The following ZNF771 variants were observed in gnomAD, a reference collection of about 807,000 sequenced individuals.
ZNF771 encodes mesenchymal stem cell protein DSC43.
A neutral mutation model predicts 27.6 loss-of-function variants in ZNF771; 10 were observed. The ratio of observed to expected loss-of-function variants is 0.36; its 90% CI spans 0.22 to 0.61. The LOEUF (loss-of-function observed/expected upper bound fraction) is 0.61. Ranked by LOEUF, ZNF771 falls within the 20% of genes least tolerant of loss-of-function variation. The probability of loss-of-function intolerance (pLI) is 0.70; values close to 1 mark genes in which losing one functional copy is unlikely to be tolerated. For synonymous variants in ZNF771, 261 were observed against 225.2 expected, an observed-to-expected ratio of 1.16 and a Z score of -1.43; for missense variants, 438 against 503.7, an observed-to-expected ratio of 0.87 and a Z score of 1.25.
chr16:30,410,299 C>T (rs1597030009), intron 2 of ZNF771, among the ~76,000 whole-genome samples: 1 of 152,090 alleles, frequency 6.6e-6, no homozygotes, highest in Non-Finnish European at 1.5e-5. Flanking sequence ...GGTGGGGTTT[C>T]ACCATATTGG....
At position 30,417,923 on chromosome 16, in the gene ZNF771, G is replaced by T. The variant is rs761796954; in HGVS notation, c.510G>T (p.Thr170=). 2.6e-6 allele frequency: 4 copies of T among 1,518,966 alleles called. No homozygotes were observed. Among genetic ancestry groups the T allele is most frequent in the Non-Finnish European group, 3.5e-6 (4 of 1,143,122 alleles). 94.1% of individuals were successfully genotyped at this position (1,518,966 alleles called of 1,614,324 possible). ...SNYAQHLRVH[T]GEKPYACPDC... Reference sequence around the variant, plus strand: ...ACGCACAGCACCTGCGCGTGCACACGGGCGAGAAGCCGTACGCGTGCCCGG... The same window carrying T: ...ACGCACAGCACCTGCGCGTGCACACTGGCGAGAAGCCGTACGCGTGCCCGG... The change falls in exon 3 of 3, where the codon ACG becomes ACT. Residue 170 remains threonine, a synonymous_variant. Transcript: ENST00000319296.
At chr16:30,417,409 C>T in intron 2 of ZNF771, 146 bp from the exon 3 acceptor site, 1 of 426,024 alleles carries the variant, frequency 2.3e-6, no homozygotes, top group African/African-American at 2.1e-5. Context: ...ACTGGATGCG[C>T]ACAGCCATCC....
intron 2 of ZNF771, among the ~76,000 whole-genome samples, chr16:30,411,120 A>T (rs966443237): frequency 6.6e-6 from 1 of 151,938 alleles, no homozygotes; most frequent in Non-Finnish European, 1.5e-5. Context: ...GGAGTTCGAG[A>T]CCAGCCTTGC....
intron 2 of ZNF771, among the ~76,000 whole-genome samples, chr16:30,409,995 T>A (rs1033618997): frequency 6.6e-6 from 1 of 152,150 alleles, no homozygotes. Context: ...ATGCACAGAG[T>A]TAGAACTGTG....
rs2050141974 is a variant in ZNF771 at position 30,417,738 on chromosome 16, C to A, written c.325C>A (p.His109Asn). ...CTCACAGAAGTCGGCGCTGACCAAACACGGCCGCACGCACACGGGCGAGCG... is the reference window on the plus strand; with the variant it reads ...CTCACAGAAGTCGGCGCTGACCAAAAACGGCCGCACGCACACGGGCGAGCG... The part of the protein sequence containing the change: ...RFSQKSALTK[H>N]GRTHTGERPY... Residue 109 changes from histidine to asparagine, a missense_variant, in exon 3 of 3, where the codon CAC (histidine) becomes AAC (asparagine). By Grantham distance (68) the His-to-Asn change is moderately conservative. This residue lies in a region of ZNF771 where 49 missense variants were observed against 106.5 expected (regional missense o/e 0.46). Transcript: ENST00000319296. 1 of 1,411,324 alleles carries A rather than the reference C, an allele frequency of 7.1e-7. No homozygotes were observed. The highest frequency in any genetic ancestry group is 9.2e-7 in the Non-Finnish European group (1 of 1,088,084). 87.4% of individuals were successfully genotyped at this position (1,411,324 alleles called of 1,614,324 possible). A position where few individuals can be genotyped will look rare whatever the true frequency, so the allele number is the denominator to read the frequency against.
intron 1 of ZNF771, 44 bp from the exon 2 acceptor site, chr16:30,408,001 G>C (rs2050085631): frequency 1.3e-6 from 1 of 796,696 alleles, no homozygotes. Flanking sequence ...GGGGGGGGTG[G>C]GGGGGGGCGG....
intron 2 of ZNF771, among the ~76,000 whole-genome samples, chr16:30,408,576 A>G (rs1442366177): frequency 6.6e-6 from 1 of 152,222 alleles, no homozygotes; most frequent in African/African-American, 2.4e-5. Context: ...CAACAGCAAC[A>G]GTAACAATAG....
intron 2 of ZNF771, among the ~76,000 whole-genome samples, chr16:30,409,924 T>G (rs1337348129): frequency 6.6e-6 from 1 of 152,156 alleles, no homozygotes; most frequent in Non-Finnish European, 1.5e-5. Flanking sequence ...TCCTCATTTG[T>G]AAAAGGGAAA....
rs1291559788 is a variant in ZNF771 at position 30,418,842 on chromosome 16, A to G, written c.*475A>G. 1 of 160,560 alleles carries G rather than the reference A, an allele frequency of 6.2e-6. No homozygotes were observed. The highest frequency in any genetic ancestry group is 1.3e-5 in the Non-Finnish European group (1 of 74,082). The allele number at this position is 160,560 out of a possible 1,614,324, so 9.9% of individuals were successfully genotyped here. On this transcript the variant is annotated 3_prime_UTR_variant, in exon 3 of 3. Transcript: ENST00000319296. ...CGATCAGACACGCACTGCATTCGGC[A>G]GAGCTCCAGTGAGCAAGGCACGACC...
chr16:30,408,452 A>G (rs557261222), intron 2 of ZNF771, among the ~76,000 whole-genome samples: 1 of 152,262 alleles, frequency 6.6e-6, no homozygotes, highest in East Asian at 1.9e-4. Context: ...GTTAGACTGA[A>G]GGGTAACCAC....
At position 30,418,235 on chromosome 16, in the gene ZNF771, C is replaced by T. The variant is rs1339012002; in HGVS notation, c.822C>T (p.Phe274=). Residue 274 remains phenylalanine (F), a synonymous_variant, in exon 3 of 3, where the codon TTC becomes TTT. Transcript: ENST00000319296. ...GCCGCTTCCGCCTAAGCTCGCACTT[C>T]ATTCGCCACCGACGCGCGCACATGC... ...CGRRFRLSSH[F]IRHRRAHMRR... is the part of the protein sequence containing the mutation. 3.3e-6 allele frequency: 5 copies of T among 1,516,038 alleles called. No individual in the cohort carries two copies. In the South Asian group the frequency reaches 3.7e-5, roughly 11 times the overall value. The allele number at this position is 1,516,038 out of a possible 1,614,324, so 93.9% of individuals were successfully genotyped here. A position where few individuals can be genotyped will look rare whatever the true frequency, so the allele number is the denominator to read the frequency against.
At chr16:30,411,262 T>G (rs924509678) in intron 2 of ZNF771, among the ~76,000 whole-genome samples, 1 of 150,454 alleles carries the variant, frequency 6.6e-6, no homozygotes, top group African/African-American at 2.5e-5. Context: ...GAGGTTGCAG[T>G]GAGCTGAGAT....
chr16:30,416,811 A>C lies in ZNF771; in HGVS notation c.142-744A>C, dbSNP rs2050136292. ...TTTATAATAAAAGCCAGAGCCAGGC[A>C]CAGTGGTATGTGCCTGTAACTCCAG... On this transcript the variant is annotated intron_variant, in intron 2 of 2. Coordinates refer to ENST00000319296, the MANE Select transcript of ZNF771 (RefSeq NM_001142305.2). Among the ~76,000 whole-genome samples, 3 of 151,942 alleles carry C rather than the reference A, an allele frequency of 2.0e-5. No homozygotes were observed. The South Asian group carries it at 6.2e-4, about 32-fold the overall frequency.
chr16:30,417,622 G>C lies in ZNF771; in HGVS notation c.209G>C (p.Arg70Pro). The change falls in exon 3 of 3, where the codon CGC becomes CCC. Residue 70 changes from arginine (R) to proline (P), a missense_variant. By Grantham distance (103) the Arg-to-Pro change is moderately radical (BLOSUM62 -2). Transcript: ENST00000319296. ...CCCCACGCGTGCCCCGACTGCGGCC[G>C]CGCCTTCGCGCGCCGCTCCACGCTG... The part of the protein sequence containing the change: ...ARPHACPDCG[R>P]AFARRSTLAK... 7.6e-7 allele frequency: 1 copy of C among 1,321,674 alleles called. No individual in the cohort carries two copies. Among genetic ancestry groups the C allele is most frequent in the Non-Finnish European group, 9.6e-7 (1 of 1,039,880 alleles). 81.9% of individuals were successfully genotyped at this position (1,321,674 alleles called of 1,614,324 possible).
chr16:30,412,987 C>G (rs979454913), intron 2 of ZNF771, among the ~76,000 whole-genome samples: 2 of 152,068 alleles, frequency 1.3e-5, no homozygotes, highest in Non-Finnish European at 2.9e-5. Context: ...AAAGCCATGG[C>G]GAGAATTTAG....
chr16:30,412,108 TCGACAC>T (rs1248584293), intron 2 of ZNF771, among the ~76,000 whole-genome samples: 1 of 152,166 alleles, frequency 6.6e-6, no homozygotes, highest in African/African-American at 2.4e-5. Flanking sequence ...CTTCATCCCC[TCGACAC>T]CTATCCCATC....
chr16:30,417,898 A>G lies in ZNF771; in HGVS notation c.485A>G (p.Tyr162Cys). The G allele has an allele frequency of 6.7e-7, 1 of 1,502,300 alleles. No homozygotes were observed. Among genetic ancestry groups the G allele is most frequent in the Non-Finnish European group, 8.8e-7 (1 of 1,136,716 alleles). 93.1% of individuals were successfully genotyped at this position (1,502,300 alleles called of 1,614,324 possible). ...CGCCGCTTCGCGCAGAGCTCCAACT[A>G]CGCACAGCACCTGCGCGTGCACACG... ...CGRRFAQSSN[Y>C]AQHLRVHTGE... The change falls in exon 3 of 3, where the codon TAC becomes TGC. Residue 162 changes from tyrosine (Y) to cysteine (C), a missense_variant. By Grantham distance (194) the Tyr-to-Cys change is radical. Coordinates refer to ENST00000319296, the MANE Select transcript of ZNF771 (RefSeq NM_001142305.2).
chr16:30,410,052 T>C (rs1349868625), intron 2 of ZNF771, among the ~76,000 whole-genome samples: 1 of 151,942 alleles, frequency 6.6e-6, no homozygotes, highest in Non-Finnish European at 1.5e-5. Context: ...CATTTATTCT[T>C]CTCCCCAAAG....
chr16:30,409,341 C>G (rs1350772323), intron 2 of ZNF771, among the ~76,000 whole-genome samples: 1 of 152,068 alleles, frequency 6.6e-6, no homozygotes, highest in Non-Finnish European at 1.5e-5. Flanking sequence ...GTGGGTGGTT[C>G]GGTCATGCTG....
Sources: gnomAD v4.1 joint callset for allele counts (sites outside exome capture counted in the v4.1 genomes callset) on GRCh38, gnomAD v4.1.1 for gene constraint, gnomAD v4.1.1 regional missense constraint, MANE v1.5 for transcripts, NCBI Gene and HGNC (gene_info 2026-07-23, HGNC 2026-07-21) for gene names.